The following NRG3 variants were observed in gnomAD, a reference collection of about 807,000 sequenced individuals.
NRG3 encodes the protein neuregulin 3.
Under a neutral mutation model 66.9 loss-of-function variants are expected in NRG3, and 31 were observed. That is an observed-to-expected ratio of 0.46 (90% confidence interval 0.35 to 0.63). NRG3 has a LOEUF of 0.63. Among genes scored for constraint, NRG3 ranks in the 20% least tolerant of loss-of-function variants. The pLI is 0.00. For missense variants in NRG3, 910 were observed against 878.9 expected (o/e 1.04, Z -0.45); for synonymous variants, 393 against 359.4 (o/e 1.09, Z -1.06).
chr10:82,667,708 T>A (rs554576378), intron 2 of NRG3, among the ~76,000 whole-genome samples: 46 of 152,260 alleles, frequency 3.0e-4, no homozygotes, highest in African/African-American at 1.1e-3. Flanking sequence ...AATCCTCTTG[T>A]GTGTGTGCTC....
chr10:82,817,770 C>G (rs60378041), intron 3 of NRG3, among the ~76,000 whole-genome samples: 15,135 of 152,276 alleles, frequency 0.099, 837 homozygotes, highest in African/African-American at 0.16. Flanking sequence ...GACATTAGAG[C>G]CTTTCTCCCT....
intron 1 of NRG3, among the ~76,000 whole-genome samples, chr10:82,032,013 T>C (rs2062590905): frequency 6.6e-6 from 1 of 152,094 alleles, no homozygotes; most frequent in Non-Finnish European, 1.5e-5. Context: ...AGGCAGTTGC[T>C]GTTCCTTGTT....
chr10:82,411,734 G>A (rs1042627702), intron 2 of NRG3, among the ~76,000 whole-genome samples: 2 of 152,058 alleles, frequency 1.3e-5, no homozygotes, highest in Admixed American at 6.6e-5. Flanking sequence ...TCAGAAAAAG[G>A]CTATTATCTT....
At chr10:81,900,928 A>C (rs1224946367) in intron 1 of NRG3, among the ~76,000 whole-genome samples, 5 of 152,258 alleles carry the variant, frequency 3.3e-5, no homozygotes, top group Admixed American at 1.3e-4. Flanking sequence ...TCAGGATCAC[A>C]AAAAGTTTTT....
chr10:82,847,654 A>T (rs1428514347), intron 3 of NRG3, among the ~76,000 whole-genome samples: 1 of 152,188 alleles, frequency 6.6e-6, no homozygotes, highest in Non-Finnish European at 1.5e-5. Context: ...TGAATACTTC[A>T]GTCAGATGTA....
chr10:82,214,292 A>C lies in NRG3; in HGVS notation c.824-144447A>C, dbSNP rs1345436541. Reference sequence around the variant, plus strand: ...GCTGAGGGGTTTATGGTCAAGAAGAAAGAGTAACTATGGCCACCTTTAGGT... The same window carrying C: ...GCTGAGGGGTTTATGGTCAAGAAGACAGAGTAACTATGGCCACCTTTAGGT... On this transcript the variant is annotated intron_variant, in intron 1 of 8. Coordinates refer to ENST00000372141, the MANE Select transcript of NRG3 (RefSeq NM_001010848.4). Among the ~76,000 whole-genome samples, 9 of 152,098 alleles carry C rather than the reference A, an allele frequency of 5.9e-5. No homozygotes were observed. In the South Asian group the frequency reaches 1.2e-3, roughly 21 times the overall value.
intron 4 of NRG3, among the ~76,000 whole-genome samples, chr10:82,901,326 C>T (rs1297655342): frequency 6.6e-6 from 1 of 151,986 alleles, no homozygotes; most frequent in Admixed American, 6.6e-5. Context: ...GTTTTGAAAT[C>T]TCTATGTGTT....
In NRG3 at chr10:82,128,073, G is replaced by T. The variant is rs1394772335; in HGVS notation, c.824-230666G>T. ...GATCACGATGTTAATTAATGACTGA[G>T]TTGGACTTGTGTTCAGGTCTGCTGT... On this transcript the variant is annotated intron_variant, in intron 1 of 8. Transcript: ENST00000372141. Among the ~76,000 whole-genome samples, 3 of 151,880 alleles carry T rather than the reference G, an allele frequency of 2.0e-5. No homozygotes were observed. The East Asian group carries it at 5.8e-4, about 30-fold the overall frequency.
In NRG3 at chr10:81,875,619, C is replaced by G; in HGVS notation, c.279C>G (p.Ser93=). 1.9e-6 allele frequency: 3 copies of G among 1,613,652 alleles called. No homozygotes were observed. Among genetic ancestry groups the G allele is most frequent in the Non-Finnish European group, 2.5e-6 (3 of 1,179,932 alleles). Reference sequence around the variant, plus strand: ...TTCTCAAATGGATCGTGGTGGGCTCCGTCAAGGAGTACGTGCCCACCGACC... The same window carrying G: ...TTCTCAAATGGATCGTGGTGGGCTCGGTCAAGGAGTACGTGCCCACCGACC... ...LMLLKWIVVG[S]VKEYVPTDLV... Residue 93 remains serine (S), a synonymous_variant, in exon 1 of 9, where the codon TCC becomes TCG. Coordinates refer to ENST00000372141, the MANE Select transcript of NRG3 (RefSeq NM_001010848.4). The surrounding 1 kb of genome is among the most constrained non-coding windows in gnomAD (Gnocchi z 5.3).
chr10:82,389,186 G>T (rs895250055), intron 2 of NRG3, among the ~76,000 whole-genome samples: 5 of 152,158 alleles, frequency 3.3e-5, no homozygotes, highest in African/African-American at 1.2e-4. Flanking sequence ...GTAATTAAGT[G>T]ACTTGCCACA....
At position 82,761,663 on chromosome 10, in the gene NRG3, A is replaced by T. The variant is rs189831597; in HGVS notation, c.1027+23013A>T. Among the ~76,000 whole-genome samples, 849 of 152,052 alleles carry T rather than the reference A, an allele frequency of 5.6e-3. 1 individual carries two copies. Among genetic ancestry groups the T allele is most frequent in the Non-Finnish European group, 0.01 (688 of 67,928 alleles). ...ATCAAAAGTCAATGCATTTGAAAAA[A>T]TAAAATTAATAAAATATATAAAATT... is the stretch of plus-strand genomic sequence containing the variant. On this transcript the variant is annotated intron_variant, in intron 3 of 8. Coordinates refer to ENST00000372141, the MANE Select transcript of NRG3 (RefSeq NM_001010848.4).
intron 3 of NRG3, among the ~76,000 whole-genome samples, chr10:82,863,172 C>A (rs897828930): frequency 6.6e-6 from 1 of 152,076 alleles, no homozygotes; most frequent in African/African-American, 2.4e-5. Context: ...CATCTATGTC[C>A]CTGCAAAGGA....
At chr10:82,011,190 A>G (rs1369716877) in intron 1 of NRG3, among the ~76,000 whole-genome samples, 2 of 152,148 alleles carry the variant, frequency 1.3e-5, no homozygotes, top group South Asian at 2.1e-4. Context: ...CCTCACAATC[A>G]TGGTGGAATG....
chr10:82,499,360 G>C (rs1356409889), intron 2 of NRG3, among the ~76,000 whole-genome samples: 2 of 152,132 alleles, frequency 1.3e-5, no homozygotes, highest in Admixed American at 6.6e-5. Flanking sequence ...TACTATGAAT[G>C]CCTACCAAAG....
At chr10:82,749,432 C>T (rs2058772582) in intron 3 of NRG3, among the ~76,000 whole-genome samples, 1 of 152,256 alleles carries the variant, frequency 6.6e-6, no homozygotes, top group South Asian at 2.1e-4. Context: ...ACCACTCGCC[C>T]TACCCTCTGC....
At chr10:82,532,515 G>GTACA (rs1847374534) in intron 2 of NRG3, among the ~76,000 whole-genome samples, 1 of 145,136 alleles carries the variant, frequency 6.9e-6, no homozygotes, top group Non-Finnish European at 1.5e-5. Flanking sequence ...ACATCTATAT[G>GTACA]TATATAGTAC....
chr10:82,775,507 A>G (rs1481388178), intron 3 of NRG3, among the ~76,000 whole-genome samples: 1 of 152,036 alleles, frequency 6.6e-6, no homozygotes, highest in Non-Finnish European at 1.5e-5. Flanking sequence ...AAATTTTTTA[A>G]TACTTGTTTT....
intron 2 of NRG3, among the ~76,000 whole-genome samples, chr10:82,709,606 CTT>C (rs1284701662): frequency 6.6e-6 from 1 of 152,114 alleles, no homozygotes; most frequent in Non-Finnish European, 1.5e-5. Context: ...GTCTGGATCT[CTT>C]GACCTCATGA....
intron 2 of NRG3, among the ~76,000 whole-genome samples, chr10:82,479,345 C>T (rs1842037163): frequency 6.6e-6 from 1 of 151,928 alleles, no homozygotes; most frequent in East Asian, 1.9e-4. Flanking sequence ...CACATCACAC[C>T]TATAGACAGA....
Sources: gnomAD v4.1 joint callset for allele counts (sites outside exome capture counted in the v4.1 genomes callset) on GRCh38, gnomAD v4.1.1 for gene constraint, Gnocchi (gnomAD v3.1) non-coding constraint, MANE v1.5 for transcripts, NCBI Gene and HGNC (gene_info 2026-07-23, HGNC 2026-07-21) for gene names.